ATRNL1: variants seen among roughly 807,000 people sequenced by gnomAD.
ATRNL1 encodes the protein attractin like 1, also known as attractin-like protein 1.
In ATRNL1, 95 loss-of-function variants were observed where a neutral mutation model predicts 182.7. The ratio of observed to expected loss-of-function variants is 0.52; its 90% CI spans 0.44 to 0.62. ATRNL1 has a LOEUF of 0.62. ATRNL1 is among the 20% of genes least tolerant of loss of function. ATRNL1 has a pLI of 0.00. For synonymous variants in ATRNL1, 576 were observed against 568.3 expected (o/e 1.01, Z -0.19); for missense variants, 1,471 against 1,679.5 (o/e 0.88, Z 2.17).
chr10:115,865,347 T>C (rs1951415937), intron 28 of ATRNL1, among the ~76,000 whole-genome samples: 1 of 152,220 alleles, frequency 6.6e-6, no homozygotes, highest in Non-Finnish European at 1.5e-5. Context: ...TGTTCCTGCA[T>C]GTCTAAATTT....
chr10:115,925,013 T>A (rs1953180788), intron 28 of ATRNL1, among the ~76,000 whole-genome samples: 1 of 152,202 alleles, frequency 6.6e-6, no homozygotes, highest in Non-Finnish European at 1.5e-5. Context: ...GTAGCAATTG[T>A]GAATGGGAGT....
At chr10:115,099,705 C>A (rs1420903798) in intron 1 of ATRNL1, among the ~76,000 whole-genome samples, 1 of 152,140 alleles carries the variant, frequency 6.6e-6, no homozygotes, top group African/African-American at 2.4e-5. Context: ...AGTATCTTCT[C>A]ATGTGCTTAC....
At chr10:115,223,839 A>G (rs765060387) in intron 9 of ATRNL1, among the ~76,000 whole-genome samples, 29 of 147,014 alleles carry the variant, frequency 2.0e-4, no homozygotes, top group Non-Finnish European at 3.6e-4. Context: ...AAAAACCCTA[A>G]TATATATGTG....
intron 8 of ATRNL1, among the ~76,000 whole-genome samples, chr10:115,195,288 A>C (rs573269260): frequency 6.6e-6 from 1 of 152,246 alleles, no homozygotes; most frequent in South Asian, 2.1e-4. Flanking sequence ...TATAAGACAG[A>C]CATGTTGTTG....
rs115661756 is a variant in ATRNL1 at position 115,684,177 on chromosome 10, G to A, written c.3796-43071G>A. 8.4e-3 allele frequency among the ~76,000 whole-genome samples: 1,273 copies of A among 151,276 alleles called. 13 individuals carry two copies. The highest frequency in any genetic ancestry group is 0.029 in the African/African-American group (1,196 of 41,374). ...CTGTACAATTTATATTTTTTCATTA[G>A]CAAGGGCTTATAATTTAAACTTTCT... On this transcript the variant is annotated intron_variant, in intron 26 of 28. Transcript: ENST00000355044.
intron 28 of ATRNL1, among the ~76,000 whole-genome samples, chr10:115,906,554 G>A (rs1952508857): frequency 6.6e-6 from 1 of 152,034 alleles, no homozygotes; most frequent in South Asian, 2.1e-4. Flanking sequence ...GACAAAATAG[G>A]CATTTAGTAA....
At chr10:115,905,154 AC>A (rs781796389) in intron 28 of ATRNL1, among the ~76,000 whole-genome samples, 30 of 152,206 alleles carry the variant, frequency 2.0e-4, no homozygotes, top group Non-Finnish European at 3.4e-4. Flanking sequence ...GCCCAGGGTT[AC>A]TAAAACTGTA....
chr10:115,527,917 TCCCTTCCTCCCTCCTTCCTTC>T (rs1554987036), intron 25 of ATRNL1, among the ~76,000 whole-genome samples: 28 of 105,478 alleles, frequency 2.7e-4, no homozygotes, highest in African/African-American at 8.9e-4. Context: ...CCTTCCTTCC[TCCCTTCCTCCCTCCTTCCTTC>T]TCCTTCCTTC....
chr10:115,293,277 A>G (rs942712527), intron 15 of ATRNL1, among the ~76,000 whole-genome samples: 1 of 152,004 alleles, frequency 6.6e-6, no homozygotes, highest in Non-Finnish European at 1.5e-5. Context: ...TAGGCAGCAT[A>G]TTGTTAGTTA....
intron 27 of ATRNL1, 138 bp downstream of exon 27, chr10:115,727,493 C>T (rs1187403205): frequency 4.5e-6 from 3 of 661,380 alleles, no homozygotes; most frequent in Non-Finnish European, 5.2e-6. Context: ...TATGTTATGC[C>T]ATTTTCAAGG....
At chr10:115,334,080 A>G (rs1376550266) in intron 18 of ATRNL1, among the ~76,000 whole-genome samples, 1 of 152,166 alleles carries the variant, frequency 6.6e-6, no homozygotes, top group African/African-American at 2.4e-5. Flanking sequence ...GGTTAAGGTA[A>G]AATTTCAACA....
intron 27 of ATRNL1, among the ~76,000 whole-genome samples, chr10:115,785,986 C>T (rs931151282): frequency 4.6e-5 from 7 of 152,130 alleles, no homozygotes; most frequent in Admixed American, 2.6e-4. Context: ...TCATATGAGA[C>T]CTCATCAGAG....
intron 26 of ATRNL1, among the ~76,000 whole-genome samples, chr10:115,662,083 C>T (rs1189958283): frequency 6.6e-6 from 1 of 151,956 alleles, no homozygotes; most frequent in Non-Finnish European, 1.5e-5. Flanking sequence ...CCAGCTTCAT[C>T]CATGTCCCTA....
chr10:115,676,004 T>C (rs1235328694), intron 26 of ATRNL1, among the ~76,000 whole-genome samples: 1 of 151,986 alleles, frequency 6.6e-6, no homozygotes. Flanking sequence ...TGTTCCTAAA[T>C]AACACCGGGC....
intron 21 of ATRNL1, among the ~76,000 whole-genome samples, chr10:115,438,345 C>T (rs781833084): frequency 4.0e-4 from 61 of 151,870 alleles, no homozygotes; most frequent in African/African-American, 1.4e-3. Flanking sequence ...ACATTATTTC[C>T]TGCAGATTTT....
At chr10:115,934,435 A>C (rs1953495278) in intron 28 of ATRNL1, among the ~76,000 whole-genome samples, 1 of 152,116 alleles carries the variant, frequency 6.6e-6, no homozygotes, top group Admixed American at 6.5e-5. Context: ...GGTCCACTAT[A>C]ATGACCTGCA....
intron 26 of ATRNL1, among the ~76,000 whole-genome samples, chr10:115,706,608 C>G (rs892222106): frequency 6.6e-6 from 1 of 151,886 alleles, no homozygotes. Context: ...TTTTTACACC[C>G]ATTTCAAAAC....
chr10:115,139,552 C>T (rs1554877530), intron 5 of ATRNL1, among the ~76,000 whole-genome samples: 2 of 152,166 alleles, frequency 1.3e-5, no homozygotes. Flanking sequence ...TCTTGTGAGA[C>T]TTACTTGCTA....
intron 9 of ATRNL1, among the ~76,000 whole-genome samples, chr10:115,238,941 T>C (rs552430305): frequency 2.6e-5 from 4 of 152,298 alleles, no homozygotes; most frequent in Admixed American, 2.0e-4. Context: ...CATGACTGAA[T>C]GTTGGATTTT....
Sources: allele counts gnomAD v4.1 joint callset (sites outside exome capture counted in the v4.1 genomes callset), GRCh38; gene constraint gnomAD v4.1.1; transcripts MANE v1.5; gene names NCBI Gene and HGNC (gene_info 2026-07-23, HGNC 2026-07-21).